PRRX1: variants seen among roughly 807,000 people sequenced by gnomAD.
PRRX1 encodes paired related homeobox 1.
Under a neutral mutation model 24.0 loss-of-function variants are expected in PRRX1, and 8 were observed. The ratio of observed to expected loss-of-function variants is 0.33; its 90% confidence interval spans 0.20 to 0.60. The LOEUF (loss-of-function observed/expected upper bound fraction) is 0.60, where lower values mean the gene tolerates loss of function less well. PRRX1 is among the 20% of genes least tolerant of loss of function. The pLI, the probability that PRRX1 is intolerant of heterozygous loss-of-function variation, is 0.82. For synonymous variants in PRRX1, 160 were observed against 131.7 expected (o/e 1.22, Z -1.47); for missense variants, 281 against 322.4 (o/e 0.87, Z 0.98).
intron 1 of PRRX1, among the ~76,000 whole-genome samples, chr1:170,696,359 T>C (rs1480027057): frequency 6.6e-6 from 1 of 152,202 alleles, no homozygotes; most frequent in East Asian, 1.9e-4. Flanking sequence ...CTACATTGCC[T>C]ATTCTCTAGT....
chr1:170,720,443 C>T (rs1035025105), intron 2 of PRRX1, among the ~76,000 whole-genome samples: 26 of 152,158 alleles, frequency 1.7e-4, no homozygotes, highest in Non-Finnish European at 3.7e-4. Context: ...TGAATGCCTT[C>T]AGGTAGGGCA....
intron 1 of PRRX1, among the ~76,000 whole-genome samples, chr1:170,701,443 G>A (rs991880554): frequency 2.6e-5 from 4 of 152,128 alleles, no homozygotes; most frequent in African/African-American, 9.7e-5. Context: ...TGAATTCCAT[G>A]GTTTAAAGGC....
chr1:170,689,134 T>A (rs1275921972), intron 1 of PRRX1, among the ~76,000 whole-genome samples: 2 of 152,148 alleles, frequency 1.3e-5, no homozygotes, highest in Non-Finnish European at 2.9e-5. Flanking sequence ...CCCTAACTTC[T>A]TTGGGCAGTA....
intron 1 of PRRX1, among the ~76,000 whole-genome samples, chr1:170,691,118 G>A (rs1274039624): frequency 6.6e-6 from 1 of 152,076 alleles, no homozygotes; most frequent in Non-Finnish European, 1.5e-5. Context: ...TCAAGTGAGG[G>A]CCATATTTTA....
In PRRX1 at chr1:170,664,291, C is replaced by A; in HGVS notation, c.73C>A (p.Leu25Ile). Residue 25 changes from leucine (L) to isoleucine (I), a missense_variant, in exon 1 of 4, where the codon CTC becomes ATC. Coordinates refer to ENST00000239461, the MANE Select transcript of PRRX1 (RefSeq NM_022716.4). ...CGGCCGCTTGGACAGCCCGGGCAAC[C>A]TCGACACCCTGCAGGCGAAAAAGAA... ...LGGRLDSPGN[L>I]DTLQAKKNFS... 6.2e-7 allele frequency: 1 copy of A among 1,613,466 alleles called. No homozygotes were observed. Among genetic ancestry groups the A allele is most frequent in the Non-Finnish European group, 8.5e-7 (1 of 1,179,830 alleles).
At chr1:170,678,647 A>G (rs974926032) in intron 1 of PRRX1, among the ~76,000 whole-genome samples, 4 of 152,116 alleles carry the variant, frequency 2.6e-5, no homozygotes, top group Non-Finnish European at 5.9e-5. Flanking sequence ...GGGGATGTAG[A>G]TAACTCTGGG....
At chr1:170,705,184 T>C (rs1472919202) in intron 1 of PRRX1, among the ~76,000 whole-genome samples, 1 of 152,202 alleles carries the variant, frequency 6.6e-6, no homozygotes, top group Admixed American at 6.5e-5. Context: ...ATTTAAGACC[T>C]CATTTATATA....
intron 1 of PRRX1, among the ~76,000 whole-genome samples, chr1:170,687,344 G>T (rs1478309764): frequency 6.6e-6 from 1 of 152,198 alleles, no homozygotes; most frequent in Non-Finnish European, 1.5e-5. Context: ...TGGCCTACAA[G>T]TCTCCTTCTC....
At chr1:170,721,990 T>G (rs76839558) in intron 2 of PRRX1, among the ~76,000 whole-genome samples, 22,021 of 151,262 alleles carry the variant, frequency 0.15, 2,173 homozygotes, top group East Asian at 0.46. Flanking sequence ...AAAAAAAAAA[T>G]GAAAGACCAA....
At chr1:170,719,704 T>C (rs1398821307) in intron 1 of PRRX1, 22 bp from the exon 2 acceptor site, 2 of 1,613,578 alleles carry the variant, frequency 1.2e-6, no homozygotes, top group Admixed American at 3.3e-5. Context: ...TGGCTTCTTT[T>C]CATCATTGTG....
chr1:170,730,508 C>T, intron 3 of PRRX1: 1 of 634,174 alleles, frequency 1.6e-6, no homozygotes. Context: ...AAAGCATGTC[C>T]ACTAAATGAA....
intron 1 of PRRX1, among the ~76,000 whole-genome samples, chr1:170,670,467 G>A (rs1221942476): frequency 1.3e-5 from 2 of 152,142 alleles, no homozygotes; most frequent in Non-Finnish European, 2.9e-5. Context: ...CAGAGAAACA[G>A]TCATTAGTGG....
chr1:170,679,611 G>T (rs1653439968), intron 1 of PRRX1, among the ~76,000 whole-genome samples: 1 of 152,098 alleles, frequency 6.6e-6, no homozygotes, highest in South Asian at 2.1e-4. Flanking sequence ...GTGTTAGCCA[G>T]GATGGTCTCG....
At chr1:170,686,368 G>A (rs562448715) in intron 1 of PRRX1, among the ~76,000 whole-genome samples, 1 of 152,280 alleles carries the variant, frequency 6.6e-6, no homozygotes, top group Admixed American at 6.5e-5. Flanking sequence ...CAGCACTGGG[G>A]CGTAGGGGAA....
chr1:170,670,788 GAA>G (rs1233251303), intron 1 of PRRX1, among the ~76,000 whole-genome samples: 1 of 152,116 alleles, frequency 6.6e-6, no homozygotes, highest in African/African-American at 2.4e-5. Context: ...TTTTATGAAA[GAA>G]AATAAAGAAA....
At chr1:170,713,780 G>T (rs1654820649) in intron 1 of PRRX1, among the ~76,000 whole-genome samples, 1 of 152,198 alleles carries the variant, frequency 6.6e-6, no homozygotes, top group African/African-American at 2.4e-5. Context: ...CTAAGGCTTA[G>T]TCTGATACTT....
chr1:170,735,946 T>C (rs1363824096), intron 3 of PRRX1, 102 bp from the exon 4 acceptor site: 25 of 1,516,320 alleles, frequency 1.6e-5, no homozygotes, highest in African/African-American at 2.8e-5. Flanking sequence ...CCATTGCCCC[T>C]GCCTGCCCCC....
intron 1 of PRRX1, among the ~76,000 whole-genome samples, chr1:170,683,154 T>A (rs1363674109): frequency 6.6e-6 from 1 of 152,170 alleles, no homozygotes; most frequent in African/African-American, 2.4e-5. Context: ...AGTTTTGTAA[T>A]GTGATTTATG....
chr1:170,671,826 T>C (rs1317906209), intron 1 of PRRX1, among the ~76,000 whole-genome samples: 1 of 152,106 alleles, frequency 6.6e-6, no homozygotes. Flanking sequence ...GACTGACGCC[T>C]GGGTTCCATG....
Sources: gnomAD v4.1 joint callset for allele counts (sites outside exome capture counted in the v4.1 genomes callset) on GRCh38, gnomAD v4.1.1 for gene constraint, MANE v1.5 for transcripts, NCBI Gene and HGNC (gene_info 2026-07-23, HGNC 2026-07-21) for gene names.